DDHD2: variants seen among roughly 807,000 people sequenced by gnomAD.
DDHD2 encodes the protein triacylglycerol hydrolase DDHD2.
In DDHD2, 62 loss-of-function variants were observed where a neutral mutation model predicts 91.2. The observed-to-expected ratio is 0.68, with a 90% CI of 0.55 to 0.84. The LOEUF (loss-of-function observed/expected upper bound fraction) is 0.84. DDHD2 is among the 40% of genes least tolerant of loss of function. The pLI is 0.00. For missense variants in DDHD2, 740 were observed against 846.9 expected (o/e 0.87, Z 1.57); for synonymous variants, 271 against 293.9 (o/e 0.92, Z 0.80).
At chr8:38,268,371 C>G in intron 1 of DDHD2, 5 of 1,565,386 alleles carry the variant, frequency 3.2e-6, no homozygotes, top group Non-Finnish European at 4.3e-6. Flanking sequence ...TAGCGCTCAC[C>G]CAGGCAGGCT....
chr8:38,263,765 T>G (rs1356118331), downstream of DDHD2: 6 of 985,422 alleles, frequency 6.1e-6, no homozygotes, highest in East Asian at 1.1e-4. Context: ...AAATTAAGTT[T>G]TGATAATGAA....
At position 38,252,207 on chromosome 8, in the gene DDHD2, C is replaced by T; in HGVS notation, c.1537C>T (p.Leu513Phe). ...FAFGSPIGMF[L>F]TVRGLKRIDP... ...CTTTGGATCTCCCATTGGAATGTTC[C>T]TTACTGTCCGAGGACTAAAAAGAAT... Residue 513 changes from leucine (L) to phenylalanine (F), a missense_variant, in exon 13 of 18, where the codon CTT becomes TTT. Coordinates refer to ENST00000397166, the MANE Select transcript of DDHD2 (RefSeq NM_015214.3). The T allele has an allele frequency of 6.2e-7, 1 of 1,614,126 alleles. No individual in the cohort carries two copies. Among genetic ancestry groups the T allele is most frequent in the African/African-American group, 1.3e-5 (1 of 75,014 alleles).
At chr8:38,243,841 C>G (rs1805424916) in intron 7 of DDHD2, among the ~76,000 whole-genome samples, 1 of 144,664 alleles carries the variant, frequency 6.9e-6, no homozygotes, top group African/African-American at 2.6e-5. Flanking sequence ...GAGTTTTGCT[C>G]TTGTCCAGGC....
chr8:38,247,727 T>G lies in DDHD2; in HGVS notation c.1140T>G (p.Ile380Met). ...TTAATTTTTAGGATTCGCTAAATAT[T>G]GTAATGGATCAAGGAGATACACCTA... ...DIDSEKDSLN[I>M]VMDQGDTPTL... The change falls in exon 10 of 18, where the codon ATT (isoleucine) becomes ATG (methionine). Residue 380 changes from isoleucine (I) to methionine (M), a missense_variant. Ile to Met is a conservative substitution (Grantham distance 10, BLOSUM62 1). Coordinates refer to ENST00000397166, the MANE Select transcript of DDHD2 (RefSeq NM_015214.3). The G allele has an allele frequency of 6.6e-7, 1 of 1,513,970 alleles. No individual in the cohort carries two copies. Among genetic ancestry groups the G allele is most frequent in the Non-Finnish European group, 8.9e-7 (1 of 1,127,210 alleles). The allele number at this position is 1,513,970 out of a possible 1,614,324, so 93.8% of individuals were successfully genotyped here.
At chr8:38,257,505 T>C (rs961859437) in intron 16 of DDHD2, among the ~76,000 whole-genome samples, 3 of 151,608 alleles carry the variant, frequency 2.0e-5, no homozygotes, top group Non-Finnish European at 4.4e-5. Context: ...TGCCCCTGCC[T>C]CCCAAAGTGC....
intron 3 of DDHD2, among the ~76,000 whole-genome samples, chr8:38,235,873 GCACACACACA>G (rs36055483): frequency 2.7e-5 from 4 of 147,670 alleles, no homozygotes; most frequent in Non-Finnish European, 4.5e-5. Context: ...AAGTACACGC[GCACACACACA>G]CACACACACA....
At chr8:38,269,904 C>A (rs1244038593) in intron 1 of DDHD2, 2 of 152,144 alleles carry the variant, frequency 1.3e-5, no homozygotes, top group East Asian at 3.9e-4. Flanking sequence ...GCACACACAT[C>A]AGTAAAGAAG....
intron 13 of DDHD2, 26 bp from the exon 14 acceptor site, chr8:38,252,696 A>C (rs1806205748): frequency 6.5e-7 from 1 of 1,547,740 alleles, no homozygotes; most frequent in South Asian, 1.1e-5. Flanking sequence ...GCAGAGGTAA[A>C]TGTAGCTCTT....
At chr8:38,263,931 C>A (rs973640846), downstream of DDHD2, 2 of 985,154 alleles carry the variant, frequency 2.0e-6, no homozygotes, top group Non-Finnish European at 2.4e-6. Context: ...TTTGAAAGAT[C>A]CTTTTACTAG....
chr8:38,253,489 G>T, intron 15 of DDHD2, 67 bp from the exon 16 acceptor site: 1 of 1,383,916 alleles, frequency 7.2e-7, no homozygotes, highest in Non-Finnish European at 1.0e-6. Context: ...AGTGTGAGGA[G>T]AAGTTAACAG....
At chr8:38,233,255 C>A in intron 2 of DDHD2, 41 bp downstream of exon 2, 1 of 1,483,604 alleles carries the variant, frequency 6.7e-7, no homozygotes, top group Non-Finnish European at 9.3e-7. Context: ...AAGACTCTCC[C>A]CTCTTCAAAC....
chr8:38,237,576 A>G lies in DDHD2; in HGVS notation c.450A>G (p.Lys150=), dbSNP rs1352253803. The change falls in exon 4 of 18, where the codon AAA becomes AAG. Residue 150 remains lysine, a synonymous_variant. Coordinates refer to ENST00000397166, the MANE Select transcript of DDHD2 (RefSeq NM_015214.3). ...YMLAVTLDEW[K]KKLESPNREI... ...TTGCTGTAACTTTGGATGAATGGAA[A>G]AAGAAACTGGAATCTCCCAACAGAG... The G allele has an allele frequency of 6.3e-7, 1 of 1,598,736 alleles. No homozygotes were observed. Among genetic ancestry groups the G allele is most frequent in the Non-Finnish European group, 8.5e-7 (1 of 1,172,372 alleles).
Position 38,247,763 on chromosome 8 carries a change from A to G in DDHD2, c.1176A>G (p.Glu392=), listed in dbSNP as rs1805762828. Reference sequence around the variant, plus strand: ...AAGGAGATACACCTACACTAGAGGAAGATTTGAAGAAACTTCAGCTCTCTG... The same window carrying G: ...AAGGAGATACACCTACACTAGAGGAGGATTTGAAGAAACTTCAGCTCTCTG... ...MDQGDTPTLE[E]DLKKLQLSEF... Residue 392 remains glutamate (E), a synonymous_variant, in exon 10 of 18, where the codon GAA becomes GAG. Coordinates refer to ENST00000397166, the MANE Select transcript of DDHD2 (RefSeq NM_015214.3). 2 of 1,578,816 alleles carry G rather than the reference A, an allele frequency of 1.3e-6. No homozygotes were observed. The highest frequency in any genetic ancestry group is 1.7e-6 in the Non-Finnish European group (2 of 1,159,356).
chr8:38,238,532 T>A, intron 5 of DDHD2: 23 of 1,066,412 alleles, frequency 2.2e-5, no homozygotes, highest in Non-Finnish European at 2.5e-5. Context: ...TGGTAATAAC[T>A]CCTTGTCCTT....
intron 1 of DDHD2, chr8:38,269,282 T>C: frequency 1.5e-6 from 2 of 1,290,756 alleles, no homozygotes; most frequent in Non-Finnish European, 2.0e-6. Context: ...CACCGCCCCC[T>C]CTCCCAGTTG....
chr8:38,269,284 TCC>T (rs1238296109), intron 1 of DDHD2: 6 of 1,281,096 alleles, frequency 4.7e-6, no homozygotes, highest in Non-Finnish European at 6.0e-6. Flanking sequence ...CCGCCCCCTC[TCC>T]CAGTTGCCCG....
intron 5 of DDHD2, chr8:38,238,775 T>G (rs1805009243): frequency 1.3e-6 from 1 of 766,422 alleles, no homozygotes; most frequent in Admixed American, 6.3e-5. Flanking sequence ...TAAAAGTATT[T>G]TATCAATGTT....
downstream of DDHD2, chr8:38,272,658 T>G (rs1161786600): frequency 2.6e-5 from 4 of 152,246 alleles, no homozygotes; most frequent in African/African-American, 4.8e-5. Context: ...CAAATTAACA[T>G]GTGGTTAAAA....
At chr8:38,264,237 T>C, downstream of DDHD2, 1 of 815,892 alleles carries the variant, frequency 1.2e-6, no homozygotes, top group South Asian at 3.3e-5. Flanking sequence ...AACCTCCAGC[T>C]CCCAGGTTCA....
Sources: allele counts gnomAD v4.1 joint callset (sites outside exome capture counted in the v4.1 genomes callset), GRCh38; gene constraint gnomAD v4.1.1; transcripts MANE v1.5; gene names NCBI Gene and HGNC (gene_info 2026-07-23, HGNC 2026-07-21).